ATP8A2: variants seen among roughly 807,000 people sequenced by gnomAD.
ATP8A2 encodes the protein phospholipid-transporting ATPase IB.
A neutral mutation model predicts 165.6 loss-of-function variants in ATP8A2; 100 were observed. The ratio of observed to expected loss-of-function variants is 0.60; its 90% CI spans 0.51 to 0.71. The LOEUF (loss-of-function observed/expected upper bound fraction) is 0.71. ATP8A2 is among the 30% of genes least tolerant of loss of function. The pLI is 0.00. For missense variants in ATP8A2, 1,227 were observed against 1,479.5 expected (o/e 0.83, Z 2.80); for synonymous variants, 543 against 548.8 (o/e 0.99, Z 0.15).
chr13:25,963,010 A>G (rs981527686), intron 34 of ATP8A2, among the ~76,000 whole-genome samples: 1 of 152,220 alleles, frequency 6.6e-6, no homozygotes, highest in Non-Finnish European at 1.5e-5. Context: ...GTAAAACCAT[A>G]TTCTGCAAAT....
At chr13:25,972,641 A>G (rs1955941333) in intron 35 of ATP8A2, among the ~76,000 whole-genome samples, 1 of 152,186 alleles carries the variant, frequency 6.6e-6, no homozygotes. Flanking sequence ...CACATGAAAT[A>G]GTCTACCCTG....
At chr13:25,823,274 A>G (rs548253213) in intron 27 of ATP8A2, among the ~76,000 whole-genome samples, 1 of 152,146 alleles carries the variant, frequency 6.6e-6, no homozygotes, top group East Asian at 1.9e-4. Context: ...TTTTTTATCC[A>G]TCTGAACTTT....
At chr13:25,818,840 A>G (rs566990978) in intron 27 of ATP8A2, among the ~76,000 whole-genome samples, 2 of 152,316 alleles carry the variant, frequency 1.3e-5, no homozygotes, top group South Asian at 4.1e-4. Flanking sequence ...TGGAATCAAT[A>G]TAATCTCTGA....
intron 33 of ATP8A2, among the ~76,000 whole-genome samples, chr13:25,919,860 T>C (rs1954395054): frequency 6.6e-6 from 1 of 152,114 alleles, no homozygotes; most frequent in African/African-American, 2.4e-5. Flanking sequence ...CGATCATAGC[T>C]CCCATAACCT....
chr13:25,790,488 C>A (rs1405261750), intron 27 of ATP8A2, among the ~76,000 whole-genome samples: 2 of 151,134 alleles, frequency 1.3e-5, no homozygotes, highest in Non-Finnish European at 2.9e-5. Context: ...GAGTTTGAGA[C>A]CAGCCTGGGA....
chr13:26,019,876 C>T lies in ATP8A2; in HGVS notation c.3470-12C>T, dbSNP rs563369545. ...CCTGTTAACCAGTTTCTCCTGTGTG[C>T]TTCACTTTCAGATGGGTATGCTTTT... On this transcript the variant is annotated splice_polypyrimidine_tract_variant and intron_variant, in intron 36 of 36. Coordinates refer to ENST00000381655, the MANE Select transcript of ATP8A2 (RefSeq NM_016529.6). The T allele has an allele frequency of 2.5e-6, 4 of 1,599,894 alleles. No individual in the cohort carries two copies. Among genetic ancestry groups the T allele is most frequent in the Non-Finnish European group, 3.4e-6 (4 of 1,167,096 alleles).
intron 1 of ATP8A2, among the ~76,000 whole-genome samples, chr13:25,447,698 GA>G (rs1566139940): frequency 1.3e-5 from 2 of 152,192 alleles, no homozygotes; most frequent in African/African-American, 4.8e-5. Flanking sequence ...GGGTCAGGGT[GA>G]CAGCCTTGTA....
intron 33 of ATP8A2, among the ~76,000 whole-genome samples, chr13:25,934,682 G>A (rs2139082447): frequency 6.6e-6 from 1 of 152,314 alleles, no homozygotes; most frequent in South Asian, 2.1e-4. Flanking sequence ...CATCATAGAG[G>A]AACACGGGAG....
rs142973713 is a variant in ATP8A2 at position 25,968,543 on chromosome 13, C to T, written c.3273-32C>T. On this transcript the variant is annotated intron_variant, in intron 34 of 36. Transcript: ENST00000381655. ...TCCCAGCTGTGTCAAGTCTCTATGC[C>T]ATGTTCGTTTTGTCTTTTCCTCATA... 188 of 1,583,666 alleles carry T rather than the reference C, an allele frequency of 1.2e-4. 2 individuals are homozygous for T. In the African/African-American group the frequency reaches 2.3e-3, roughly 19 times the overall value.
chr13:25,641,384 G>C (rs1261084781), intron 24 of ATP8A2, among the ~76,000 whole-genome samples: 1 of 152,180 alleles, frequency 6.6e-6, no homozygotes, highest in Non-Finnish European at 1.5e-5. Flanking sequence ...ATCTCCTTAA[G>C]CTGATAAGCA....
chr13:25,832,854 C>T (rs372659956), intron 28 of ATP8A2, among the ~76,000 whole-genome samples: 1 of 152,048 alleles, frequency 6.6e-6, no homozygotes, highest in Non-Finnish European at 1.5e-5. Context: ...AAGAAGATTA[C>T]AAATATTGGG....
At chr13:25,531,400 ATATATATGATTATATATATGAT>A (rs2038094831) in intron 4 of ATP8A2, among the ~76,000 whole-genome samples, 10 of 50,536 alleles carry the variant, frequency 2.0e-4, no homozygotes, top group African/African-American at 1.2e-3. Flanking sequence ...ATATATGATT[ATATATATGATTATATATATGAT>A]ATATATATGA....
intron 27 of ATP8A2, among the ~76,000 whole-genome samples, chr13:25,821,588 CAT>C (rs1951183228): frequency 6.6e-6 from 1 of 152,208 alleles, no homozygotes; most frequent in Admixed American, 6.5e-5. Context: ...CAACCAGCCA[CAT>C]GTTATTATTT....
chr13:25,662,715 T>C (rs11841525), intron 24 of ATP8A2, among the ~76,000 whole-genome samples: 5,230 of 152,218 alleles, frequency 0.034, 154 homozygotes, highest in East Asian at 0.13. Context: ...GCAACATTGT[T>C]TTTAGGCTAC....
Position 25,383,051 on chromosome 13 carries a change from A to G in ATP8A2, c.76+10763A>G, listed in dbSNP as rs185620802. On this transcript the variant is annotated intron_variant, in intron 1 of 36. Transcript: ENST00000381655. ...ATTACAGGTGTGAGCCACCACACCC[A>G]GCCTTTTCTTTTTGAGACAGAGTCT... Among the ~76,000 whole-genome samples the G allele has an allele frequency of 4.0e-4, 55 of 137,332 alleles. 1 individual carries two copies. Among genetic ancestry groups the G allele is most frequent in the South Asian group, 1.6e-3 (7 of 4,294 alleles). The allele number at this position is 137,332 out of a possible 152,430, so 90.1% of individuals were successfully genotyped here.
chr13:25,789,624 G>A (rs1470308821), intron 27 of ATP8A2, among the ~76,000 whole-genome samples: 2 of 152,202 alleles, frequency 1.3e-5, no homozygotes, highest in African/African-American at 2.4e-5. Context: ...TTCATGGATA[G>A]GAAGAATCAG....
rs1029078229 is a variant in ATP8A2 at position 25,957,043 on chromosome 13, G to A, written c.3184-4532G>A. ...GGAAAGGAGTCCCTATTTAATAAAT[G>A]GTGTTGGGAAAACTGGCTAGCCATA... On this transcript the variant is annotated intron_variant, in intron 33 of 36. Coordinates refer to ENST00000381655, the MANE Select transcript of ATP8A2 (RefSeq NM_016529.6). 2.6e-5 allele frequency among the ~76,000 whole-genome samples: 4 copies of A among 152,296 alleles called. No individual in the cohort carries two copies. The East Asian group carries it at 5.8e-4, about 22-fold the overall frequency.
chr13:25,825,145 C>CTTTTTTTTTTTTTTTTTT lies in ATP8A2; in HGVS notation c.2680-2961_2680-2944dup, dbSNP rs60778003. ...CATAGTTTCATTGTGTATGTGTTTG[C>CTTTTTTTTTTTTTTTTTT]TTTTTTTTTTTTTTTTTTTTTTTTT... On this transcript the variant is annotated intron_variant, in intron 27 of 36. Transcript: ENST00000381655. Among the ~76,000 whole-genome samples the CTTTTTTTTTTTTTTTTTT allele has an allele frequency of 7.3e-5, 2 of 27,472 alleles. 1 individual carries two copies. The highest frequency in any genetic ancestry group is 3.0e-4 in the African/African-American group (2 of 6,724). The allele number at this position is 27,472 out of a possible 152,430, so 18.0% of individuals were successfully genotyped here.
intron 1 of ATP8A2, among the ~76,000 whole-genome samples, chr13:25,411,533 G>T (rs968523658): frequency 7.9e-5 from 12 of 152,294 alleles, no homozygotes; most frequent in Middle Eastern, 3.4e-3. Flanking sequence ...TTATATTGTT[G>T]TTAGGAGACT....
Sources: allele counts gnomAD v4.1 joint callset (sites outside exome capture counted in the v4.1 genomes callset), GRCh38; gene constraint gnomAD v4.1.1; transcripts MANE v1.5; gene names NCBI Gene and HGNC (gene_info 2026-07-23, HGNC 2026-07-21).